Variants in DENND4C observed in about 807,000 individuals in gnomAD.
DENND4C encodes DENN domain-containing protein 4C.
In DENND4C, 108 loss-of-function variants were observed where a neutral mutation model predicts 203.0. That is an observed-to-expected ratio of 0.53 (90% confidence interval 0.46 to 0.62). The LOEUF (loss-of-function observed/expected upper bound fraction) is 0.62, where lower values mean the gene tolerates loss of function less well. DENND4C is among the 20% of genes least tolerant of loss of function. The pLI is 0.00. For missense variants in DENND4C, 2,481 were observed against 2,301.2 expected, an observed-to-expected ratio of 1.08 and a Z score of -1.60; for synonymous variants, 871 against 792.4, an observed-to-expected ratio of 1.10 and a Z score of -1.67.
intron 6 of DENND4C, among the ~76,000 whole-genome samples, chr9:19,297,002 T>C (rs369776418): frequency 3.9e-5 from 6 of 152,220 alleles, no homozygotes; most frequent in African/African-American, 1.4e-4. Flanking sequence ...CTTTTTGTCA[T>C]GCGATCTTTC....
At chr9:19,287,067 A>AGG (rs1835339411) in intron 3 of DENND4C, 46 bp downstream of exon 3, 37 of 1,229,098 alleles carry the variant, frequency 3.0e-5, no homozygotes, top group Non-Finnish European at 3.7e-5. Flanking sequence ...GAAACCAAAA[A>AGG]GGGATACGTT....
In DENND4C at chr9:19,286,886, C is replaced by T. The variant is rs1011776951; in HGVS notation, c.423C>T (p.Ile141=). 6.5e-6 allele frequency: 8 copies of T among 1,232,022 alleles called. No individual in the cohort carries two copies. Among genetic ancestry groups the T allele is most frequent in the Non-Finnish European group, 6.1e-6 (6 of 987,964 alleles). 76.3% of individuals were successfully genotyped at this position (1,232,022 alleles called of 1,614,324 possible). ...CAACTACTTCACAAAGAATCTTTAT[C>T]ACTTATCGAAGGGCTCCTCCAGTTC... The part of the protein sequence containing the change: ...NSSTTSQRIF[I]TYRRAPPVRP... Residue 141 remains isoleucine (I), a synonymous_variant, in exon 3 of 33, where the codon ATC becomes ATT. Coordinates refer to ENST00000434457, the MANE Select transcript of DENND4C (RefSeq NM_001330640.2).
chr9:19,310,292 T>A (rs1012096918), intron 10 of DENND4C, among the ~76,000 whole-genome samples: 4 of 152,248 alleles, frequency 2.6e-5, no homozygotes, highest in African/African-American at 9.6e-5. Context: ...CAGAAGTAGT[T>A]ATAGTTGGTA....
At chr9:19,294,174 T>A (rs1836942611) in intron 5 of DENND4C, among the ~76,000 whole-genome samples, 1 of 152,082 alleles carries the variant, frequency 6.6e-6, no homozygotes, top group African/African-American at 2.4e-5. Context: ...TTTGTTAGTA[T>A]AATGATTATA....
chr9:19,340,570 T>A (rs1413899012), intron 20 of DENND4C, among the ~76,000 whole-genome samples: 1 of 152,192 alleles, frequency 6.6e-6, no homozygotes, highest in Non-Finnish European at 1.5e-5. Context: ...ATTCATTGTA[T>A]CTTATTTCCC....
chr9:19,289,794 A>C (rs2131149089), intron 4 of DENND4C, among the ~76,000 whole-genome samples: 1 of 144,640 alleles, frequency 6.9e-6, no homozygotes, highest in Non-Finnish European at 1.5e-5. Context: ...ACACCACTGC[A>C]CTCCAGCCTG....
intron 6 of DENND4C, 51 bp from the exon 7 acceptor site, chr9:19,298,005 G>A: frequency 7.3e-7 from 1 of 1,374,600 alleles, no homozygotes. Flanking sequence ...TAAAAACTGT[G>A]ATGCATTTAG....
At chr9:19,281,028 A>G (rs753323179) in intron 2 of DENND4C, among the ~76,000 whole-genome samples, 1 of 152,186 alleles carries the variant, frequency 6.6e-6, no homozygotes, top group Non-Finnish European at 1.5e-5. Context: ...GGAGTGAGCC[A>G]CTGTGCCGGG....
At chr9:19,320,262 A>G (rs1305636302) in intron 12 of DENND4C, among the ~76,000 whole-genome samples, 2 of 151,562 alleles carry the variant, frequency 1.3e-5, no homozygotes, top group African/African-American at 2.4e-5. Flanking sequence ...GTAGTGGTGC[A>G]GTCTTGGCTC....
intron 1 of DENND4C, among the ~76,000 whole-genome samples, chr9:19,235,335 T>G (rs954006485): frequency 2.0e-4 from 30 of 152,208 alleles, no homozygotes; most frequent in Admixed American, 1.8e-3. Context: ...AGTATTTAAT[T>G]GAGAACTGAA....
chr9:19,319,377 CATACATATATAT>C (rs1323630175), intron 12 of DENND4C, among the ~76,000 whole-genome samples: 5 of 109,852 alleles, frequency 4.6e-5, no homozygotes, highest in South Asian at 5.7e-4. Context: ...TATATATACA[CATACATATATAT>C]ATACATATAT....
intron 26 of DENND4C, among the ~76,000 whole-genome samples, chr9:19,354,542 T>C (rs1289670359): frequency 6.9e-6 from 1 of 145,576 alleles, no homozygotes; most frequent in Non-Finnish European, 1.5e-5. Context: ...TTACTTGTTA[T>C]TCTAGCCTTT....
chr9:19,241,935 A>G (rs1039847870), intron 1 of DENND4C, among the ~76,000 whole-genome samples: 3 of 152,010 alleles, frequency 2.0e-5, no homozygotes, highest in African/African-American at 7.3e-5. Flanking sequence ...TCATGCTTGT[A>G]ATCCCACTGC....
At chr9:19,242,733 G>C (rs1178981499) in intron 1 of DENND4C, among the ~76,000 whole-genome samples, 3 of 151,862 alleles carry the variant, frequency 2.0e-5, no homozygotes, top group East Asian at 3.9e-4. Flanking sequence ...TCGGCTCACT[G>C]CAACCTCTGC....
At chr9:19,273,022 C>T (rs1388578984) in intron 1 of DENND4C, among the ~76,000 whole-genome samples, 1 of 147,732 alleles carries the variant, frequency 6.8e-6, no homozygotes, top group Non-Finnish European at 1.5e-5. Flanking sequence ...GATCTTGGCT[C>T]ACTGCAAGCT....
chr9:19,272,259 A>G (rs1442460968), intron 1 of DENND4C, among the ~76,000 whole-genome samples: 1 of 151,922 alleles, frequency 6.6e-6, no homozygotes, highest in Admixed American at 6.6e-5. Flanking sequence ...GGTCTCTACA[A>G]AAAATACAAA....
chr9:19,300,796 G>A (rs151321862), intron 9 of DENND4C, among the ~76,000 whole-genome samples: 3,296 of 152,314 alleles, frequency 0.022, 126 homozygotes, highest in African/African-American at 0.075. Context: ...TAGCTCTTGT[G>A]TAAAGCGTAA....
intron 10 of DENND4C, among the ~76,000 whole-genome samples, chr9:19,315,320 A>G (rs1187951685): frequency 6.6e-6 from 1 of 152,016 alleles, no homozygotes; most frequent in Non-Finnish European, 1.5e-5. Flanking sequence ...TCTTCAGGGC[A>G]GATGTGGCCT....
At chr9:19,239,332 T>C (rs1246977537) in intron 1 of DENND4C, among the ~76,000 whole-genome samples, 1 of 152,164 alleles carries the variant, frequency 6.6e-6, no homozygotes, top group African/African-American at 2.4e-5. Context: ...TCTTTTGCAG[T>C]TTCTTTTTTG....
Sources: allele counts gnomAD v4.1 joint callset (sites outside exome capture counted in the v4.1 genomes callset), GRCh38; gene constraint gnomAD v4.1.1; transcripts MANE v1.5; gene names NCBI Gene and HGNC (gene_info 2026-07-23, HGNC 2026-07-21).